ABCG4: variants seen among roughly 807,000 people sequenced by gnomAD.
ABCG4 encodes ATP-binding cassette sub-family G member 4.
A neutral mutation model predicts 64.6 loss-of-function variants in ABCG4; 35 were observed. The ratio of observed to expected loss-of-function variants is 0.54; its 90% CI spans 0.41 to 0.72. The LOEUF is 0.72. Ranked by LOEUF, ABCG4 falls within the 30% of genes least tolerant of loss-of-function variation. The pLI, the probability that ABCG4 is intolerant of heterozygous loss-of-function variation, is 0.00. For missense variants in ABCG4, 610 were observed against 846.3 expected (o/e 0.72, Z 3.46); for synonymous variants, 326 against 348.2 (o/e 0.94, Z 0.71).
rs951540869 is a variant in ABCG4, at chr11:119,162,651, G to A, written c.*1545G>A. On this transcript the variant is annotated 3_prime_UTR_variant, in exon 15 of 15. Transcript: ENST00000619701. ...TATTAATAAAACCTATATTTATACAGTATGCAATGTGTAAATGTGTGTGGA... is the reference window on the plus strand; with the variant it reads ...TATTAATAAAACCTATATTTATACAATATGCAATGTGTAAATGTGTGTGGA... 2 of 152,330 alleles carry A rather than the reference G, an allele frequency of 1.3e-5. No homozygotes were observed. Among genetic ancestry groups the A allele is most frequent in the African/African-American group, 4.8e-5 (2 of 41,566 alleles). 9.4% of individuals were successfully genotyped at this position (152,330 alleles called of 1,614,324 possible).
In ABCG4 at chr11:119,158,299, C is replaced by A; in HGVS notation, c.1134C>A (p.Phe378Leu). ...TSTLTQFCIL[F>L]KRTFLSILRD... is the part of the protein sequence containing the mutation. ...CCCTCACACAGTTCTGCATCCTCTT[C>A]AAGAGGACCTTCCTGTCCATCCTCA... The change falls in exon 10 of 15, where the codon TTC becomes TTA. Residue 378 changes from phenylalanine (F) to leucine (L), a missense_variant. Physicochemically the swap from Phe to Leu is conservative, Grantham distance 22. Transcript: ENST00000619701. The surrounding 1 kb of genome is among the most constrained non-coding windows in gnomAD (Gnocchi z 4.5). 6.2e-7 allele frequency: 1 copy of A among 1,614,096 alleles called. No homozygotes were observed. The highest frequency in any genetic ancestry group is 8.5e-7 in the Non-Finnish European group (1 of 1,179,960).
Position 119,152,076 on chromosome 11 carries a change from T to C in ABCG4, c.238+1873T>C, listed in dbSNP as rs1337736793. Among the ~76,000 whole-genome samples the C allele has an allele frequency of 2.0e-5, 3 of 152,238 alleles. No individual in the cohort carries two copies. In the East Asian group the frequency reaches 5.8e-4, roughly 29 times the overall value. ...GAGGGGAAGGTTCGTCGTTGCCAGT[T>C]TCTTCTCCTGCAAGAGATCACTTCC... On this transcript the variant is annotated intron_variant, in intron 2 of 14. Coordinates refer to ENST00000619701, the MANE Select transcript of ABCG4 (RefSeq NM_022169.5).
rs745537411 is a variant in ABCG4 at position 119,154,141 on chromosome 11, C to T, written c.354C>T (p.Tyr118=). The T allele has an allele frequency of 2.1e-5, 34 of 1,613,928 alleles. 1 individual carries two copies. The South Asian group carries it at 3.5e-4, about 17-fold the overall frequency. Residue 118 remains tyrosine (Y), a splice_region_variant and synonymous_variant, in exon 3 of 15, where the codon TAC becomes TAT. Transcript: ENST00000619701. The surrounding 1 kb of genome is among the most constrained non-coding windows in gnomAD (Gnocchi z 7.0). ...KSTFMNILAG[Y]RESGMKGQIL... ...CATTCATGAACATCTTGGCAGGATA[C>T]AGGTAAGGAAGAGACTGGGGTGGAA... is the stretch of plus-strand genomic sequence containing the variant.
At chr11:119,153,970 G>T in intron 2 of ABCG4, 56 bp from the exon 3 acceptor site, 1 of 1,455,812 alleles carries the variant, frequency 6.9e-7, no homozygotes, top group Non-Finnish European at 9.6e-7. Flanking sequence ...TAAGAATTTT[G>T]GGGGTACCTC....
rs1555217397 is a variant in ABCG4 at position 119,154,431 on chromosome 11, C to T, written c.489+39C>T. 6.2e-7 allele frequency: 1 copy of T among 1,614,140 alleles called. No homozygotes were observed. The highest frequency in any genetic ancestry group is 8.5e-7 in the Non-Finnish European group (1 of 1,180,020). On this transcript the variant is annotated intron_variant, in intron 4 of 14. Transcript: ENST00000619701. This position sits in a 1 kb window ranked among gnomAD's most constrained non-coding sequence, Gnocchi z 7.0. ...AGTCACCCCTCCTCCCAGCAACCCC[C>T]TCTGTCTGCTGTCGCCACCTTCACC... is the stretch of plus-strand genomic sequence containing the variant.
rs981639979 is a variant in ABCG4 at position 119,154,404 on chromosome 11, A to G, written c.489+12A>G. The G allele has an allele frequency of 6.2e-7, 1 of 1,614,084 alleles. No individual in the cohort carries two copies. The highest frequency in any genetic ancestry group is 8.5e-7 in the Non-Finnish European group (1 of 1,179,986). ...TGGAAGCCATGATGGTGAGGGCTGG[A>G]TAGTCACCCCTCCTCCCAGCAACCC... On this transcript the variant is annotated intron_variant, in intron 4 of 14. Coordinates refer to ENST00000619701, the MANE Select transcript of ABCG4 (RefSeq NM_022169.5). This position sits in a 1 kb window ranked among gnomAD's most constrained non-coding sequence, Gnocchi z 7.0.
rs779274927 is a variant in ABCG4, at chr11:119,154,865, C to G, written c.636C>G (p.Ala212=). Residue 212 remains alanine, a synonymous_variant, in exon 6 of 15, where the codon GCC becomes GCG. Transcript: ENST00000619701. The surrounding 1 kb of genome is among the most constrained non-coding windows in gnomAD (Gnocchi z 7.0). The part of the protein sequence containing the change: ...SGGQRKRLAI[A]LELVNNPPVM... ...GGCAGAGGAAGCGTCTGGCCATCGC[C>G]CTGGAGCTGGTCAACAACCCGCCTG... is the stretch of plus-strand genomic sequence containing the variant. The G allele has an allele frequency of 1.9e-6, 3 of 1,613,942 alleles. No individual in the cohort carries two copies. The highest frequency in any genetic ancestry group is 2.5e-6 in the Non-Finnish European group (3 of 1,179,816).
rs758899125 is a variant in ABCG4, at chr11:119,158,552, C to T, written c.1168-5C>T. 69 of 1,614,212 alleles carry T rather than the reference C, an allele frequency of 4.3e-5. 1 individual carries two copies. Among genetic ancestry groups the T allele is most frequent in the Middle Eastern group, 3.3e-4 (2 of 6,062 alleles). On this transcript the variant is annotated splice_region_variant and splice_polypyrimidine_tract_variant and intron_variant, in intron 10 of 14. Coordinates refer to ENST00000619701, the MANE Select transcript of ABCG4 (RefSeq NM_022169.5). This position sits in a 1 kb window ranked among gnomAD's most constrained non-coding sequence, Gnocchi z 4.5. ...ATCCCTCTCCTGGTGATGACCCCTC[C>T]CAAGGTCCTGACCCACCTACGGTTC...
In ABCG4 at chr11:119,160,789, G is replaced by C. The variant is rs1948338663; in HGVS notation, c.1716-92G>C. 1.3e-6 allele frequency: 2 copies of C among 1,510,938 alleles called. No individual in the cohort carries two copies. Among genetic ancestry groups the C allele is most frequent in the African/African-American group, 1.4e-5 (1 of 72,712 alleles). The allele number at this position is 1,510,938 out of a possible 1,614,324, so 93.6% of individuals were successfully genotyped here. A position where few individuals can be genotyped will look rare whatever the true frequency, so the allele number is the denominator to read the frequency against. ...GCAGGGGCACCCTGGCTGCACCCCA[G>C]GGATGACAGCATTGCAGCTGGGCTC... On this transcript the variant is annotated intron_variant, in intron 14 of 14. Coordinates refer to ENST00000619701, the MANE Select transcript of ABCG4 (RefSeq NM_022169.5). The surrounding 1 kb of genome is among the most constrained non-coding windows in gnomAD (Gnocchi z 4.6).
Position 119,150,066 on chromosome 11 carries a change from C to T in ABCG4, c.101C>T (p.Thr34Ile), listed in dbSNP as rs1198810776. The T allele has an allele frequency of 1.3e-5, 21 of 1,614,058 alleles. No homozygotes were observed. The highest frequency in any genetic ancestry group is 1.8e-5 in the Non-Finnish European group (21 of 1,180,016). ...GACGGGGCGGAACCCCCTGTGCTGA[C>T]CACGCACCTGAAGAAGGTGGAGAAC... is the stretch of plus-strand genomic sequence containing the variant. ...LEDGAEPPVLTTHLKKVENHI... is the reference protein window; with the variant it reads ...LEDGAEPPVLITHLKKVENHI... Residue 34 changes from threonine to isoleucine, a missense_variant, in exon 2 of 15, where the codon ACC becomes ATC. Coordinates refer to ENST00000619701, the MANE Select transcript of ABCG4 (RefSeq NM_022169.5). This position sits in a 1 kb window ranked among gnomAD's most constrained non-coding sequence, Gnocchi z 4.3.
At position 119,149,745 on chromosome 11, in the gene ABCG4, C is replaced by G. The variant is rs1393766596; in HGVS notation, c.-12-209C>G. On this transcript the variant is annotated intron_variant, in intron 1 of 14. Coordinates refer to ENST00000619701, the MANE Select transcript of ABCG4 (RefSeq NM_022169.5). This position sits in a 1 kb window ranked among gnomAD's most constrained non-coding sequence, Gnocchi z 8.3. Reference sequence around the variant, plus strand: ...GGAGCGATTGAGGGCTTCAAGGGGACGGGCTGGGGTCAGGCTGGAGCTGGG... The same window carrying G: ...GGAGCGATTGAGGGCTTCAAGGGGAGGGGCTGGGGTCAGGCTGGAGCTGGG... The G allele has an allele frequency of 1.4e-6, 1 of 707,836 alleles. No individual in the cohort carries two copies. The highest frequency in any genetic ancestry group is 2.2e-6 in the Non-Finnish European group (1 of 445,964). 43.8% of individuals were successfully genotyped at this position (707,836 alleles called of 1,614,324 possible).
intron 2 of ABCG4, among the ~76,000 whole-genome samples, chr11:119,152,399 G>C (rs890043873): frequency 1.3e-5 from 2 of 152,212 alleles, no homozygotes; most frequent in Non-Finnish European, 2.9e-5. Flanking sequence ...CAGAGGGAAA[G>C]CCGGGCCCAG....
Position 119,158,422 on chromosome 11 carries a change from C to T in ABCG4, c.1167+90C>T, listed in dbSNP as rs1948297669. On this transcript the variant is annotated intron_variant, in intron 10 of 14. Transcript: ENST00000619701. The surrounding 1 kb of genome is among the most constrained non-coding windows in gnomAD (Gnocchi z 4.5). ...AGCAGCTGAAATGGGAATGGGGACC[C>T]TCCCTCACAGCCCTGCAATGTGCCT... 1.9e-6 allele frequency: 3 copies of T among 1,559,852 alleles called. No individual in the cohort carries two copies. The highest frequency in any genetic ancestry group is 1.4e-5 in the African/African-American group (1 of 73,742).
chr11:119,152,485 G>C (rs1948206016), intron 2 of ABCG4, among the ~76,000 whole-genome samples: 1 of 152,046 alleles, frequency 6.6e-6, no homozygotes, highest in Non-Finnish European at 1.5e-5. Flanking sequence ...ACACTAAGGA[G>C]GTGGAGTGGG....
rs1948248651 is a variant in ABCG4, at chr11:119,155,089, C to T, written c.686+174C>T. ...CCAATTCTGTTGCTGTGAGCTGCCC[C>T]ATCCTTCGCCTGGGCAGAGATCTAG... is the stretch of plus-strand genomic sequence containing the variant. On this transcript the variant is annotated intron_variant, in intron 6 of 14. Coordinates refer to ENST00000619701, the MANE Select transcript of ABCG4 (RefSeq NM_022169.5). The surrounding 1 kb of genome is among the most constrained non-coding windows in gnomAD (Gnocchi z 4.5). Among the ~76,000 whole-genome samples the T allele has an allele frequency of 1.3e-5, 2 of 152,194 alleles. No individual in the cohort carries two copies. Among genetic ancestry groups the T allele is most frequent in the African/African-American group, 4.8e-5 (2 of 41,458 alleles).
rs1948264049 is a variant in ABCG4 at position 119,156,391 on chromosome 11, G to A, written c.749G>A (p.Gly250Asp). 6.2e-7 allele frequency: 1 copy of A among 1,614,142 alleles called. No homozygotes were observed. The highest frequency in any genetic ancestry group is 1.1e-5 in the South Asian group (1 of 91,088). The change falls in exon 7 of 15, where the codon GGC becomes GAC. Residue 250 changes from glycine (G) to aspartate (D), a missense_variant. Physicochemically the swap from Gly to Asp is moderately conservative, Grantham distance 94. Coordinates refer to ENST00000619701, the MANE Select transcript of ABCG4 (RefSeq NM_022169.5). This position sits in a 1 kb window ranked among gnomAD's most constrained non-coding sequence, Gnocchi z 5.5. The part of the protein sequence containing the change: ...VSLMKSLAQG[G>D]RTIICTIHQP... ...CTCATGAAGTCCCTGGCACAGGGGG[G>A]CCGTACCATCATCTGCACCATCCAC...
Position 119,154,003 on chromosome 11 carries a change from A to G in ABCG4, c.239-23A>G, listed in dbSNP as rs759099987. The stretch of plus-strand genomic sequence containing the variant: ...CTCTGTTCACTGCAGCCTGACTAAA[A>G]ATTCCTCCCCACCTCACTGCAGGTT... On this transcript the variant is annotated intron_variant, in intron 2 of 14. Coordinates refer to ENST00000619701, the MANE Select transcript of ABCG4 (RefSeq NM_022169.5). The surrounding 1 kb of genome is among the most constrained non-coding windows in gnomAD (Gnocchi z 7.0). 1.9e-6 allele frequency: 3 copies of G among 1,609,248 alleles called. No individual in the cohort carries two copies. The Admixed American group carries it at 5.0e-5, about 27-fold the overall frequency.
Position 119,158,816 on chromosome 11 carries a change from C to T in ABCG4, c.1337-13C>T, listed in dbSNP as rs367961802. ...GTGTCGGCCGGGTGTGCCTAAGCAG[C>T]CTGTGTCCTCAGTCCCCTTAGAGAT... is the stretch of plus-strand genomic sequence containing the variant. On this transcript the variant is annotated splice_polypyrimidine_tract_variant and intron_variant, in intron 11 of 14. Transcript: ENST00000619701. The surrounding 1 kb of genome is among the most constrained non-coding windows in gnomAD (Gnocchi z 4.5). The T allele has an allele frequency of 2.5e-6, 4 of 1,613,974 alleles. No individual in the cohort carries two copies. The highest frequency in any genetic ancestry group is 1.7e-5 in the Admixed American group (1 of 60,014).
chr11:119,154,188 A>G lies in ABCG4; in HGVS notation c.356+45A>G, dbSNP rs371974216. ...GGAATGGAGGCAGGACTCAGGAAGA[A>G]GTATCCCTTGGGGAACACAGAAGGT... On this transcript the variant is annotated intron_variant, in intron 3 of 14. Transcript: ENST00000619701. The surrounding 1 kb of genome is among the most constrained non-coding windows in gnomAD (Gnocchi z 7.0). 8.7e-6 allele frequency: 14 copies of G among 1,613,414 alleles called. No individual in the cohort carries two copies. The highest frequency in any genetic ancestry group is 1.2e-5 in the Non-Finnish European group (14 of 1,179,474).
Sources: gnomAD v4.1 joint callset for allele counts (sites outside exome capture counted in the v4.1 genomes callset) on GRCh38, gnomAD v4.1.1 for gene constraint, Gnocchi (gnomAD v3.1) non-coding constraint, MANE v1.5 for transcripts, NCBI Gene and HGNC (gene_info 2026-07-23, HGNC 2026-07-21) for gene names.